Variants in FBXO36 observed in about 807,000 individuals in gnomAD.
FBXO36 encodes F-box only protein 36.
Under a neutral mutation model 17.0 loss-of-function variants are expected in FBXO36, and 18 were observed. That is an observed-to-expected ratio of 1.06 (90% CI 0.73 to 1.57). The LOEUF (loss-of-function observed/expected upper bound fraction) is 1.57, where lower values mean the gene tolerates loss of function less well. FBXO36 is among the 40% of genes most tolerant of loss of function. FBXO36 has a pLI of 0.00. For missense variants in FBXO36, 229 were observed against 221.9 expected (o/e 1.03, Z -0.20); for synonymous variants, 83 against 85.3 (o/e 0.97, Z 0.15).
intron 3 of FBXO36, among the ~76,000 whole-genome samples, chr2:230,005,321 C>T (rs2077381446): frequency 6.6e-6 from 1 of 152,042 alleles, no homozygotes; most frequent in South Asian, 2.1e-4. Flanking sequence ...TAGCTGGTCT[C>T]GAATCTTGGG....
At chr2:229,998,766 G>C (rs552677723) in intron 3 of FBXO36, among the ~76,000 whole-genome samples, 1 of 151,710 alleles carries the variant, frequency 6.6e-6, no homozygotes, top group East Asian at 1.9e-4. Context: ...CCCCAGCCTG[G>C]ACAACAGAAC....
At chr2:229,970,871 AT>A (rs2077176695) in intron 1 of FBXO36, among the ~76,000 whole-genome samples, 2 of 152,252 alleles carry the variant, frequency 1.3e-5, no homozygotes, top group African/African-American at 4.8e-5. Flanking sequence ...ATGTTCTAAA[AT>A]ACATGCCTAA....
At chr2:230,009,702 T>C (rs548439185) in intron 3 of FBXO36, among the ~76,000 whole-genome samples, 20 of 151,978 alleles carry the variant, frequency 1.3e-4, no homozygotes, top group African/African-American at 4.8e-4. Flanking sequence ...CCCAGCACTC[T>C]GGGAGGCTGA....
intron 1 of FBXO36, among the ~76,000 whole-genome samples, chr2:229,935,463 A>C (rs1318917559): frequency 6.6e-6 from 1 of 152,202 alleles, no homozygotes; most frequent in African/African-American, 2.4e-5. Context: ...CAGCGAGCCA[A>C]GATCGCACCA....
At chr2:229,970,274 C>G (rs2077174177) in intron 1 of FBXO36, among the ~76,000 whole-genome samples, 1 of 152,112 alleles carries the variant, frequency 6.6e-6, no homozygotes. Flanking sequence ...AATATCAACA[C>G]TTTGGAAGGC....
chr2:229,974,078 A>G (rs2077195364), intron 1 of FBXO36, among the ~76,000 whole-genome samples: 1 of 152,130 alleles, frequency 6.6e-6, no homozygotes, highest in African/African-American at 2.4e-5. Context: ...GAAAATAGCT[A>G]TTAATTCTGT....
chr2:229,935,273 A>C (rs576336185), intron 1 of FBXO36, among the ~76,000 whole-genome samples: 1 of 152,222 alleles, frequency 6.6e-6, no homozygotes, highest in Non-Finnish European at 1.5e-5. Context: ...CCTGAAAATC[A>C]TAAGAGTCTC....
chr2:229,984,479 C>G (rs2077257641), intron 2 of FBXO36, among the ~76,000 whole-genome samples: 1 of 149,868 alleles, frequency 6.7e-6, no homozygotes, highest in Non-Finnish European at 1.5e-5. Context: ...CAACGCCGCT[C>G]CCGGGTTCAC....
intron 1 of FBXO36, among the ~76,000 whole-genome samples, chr2:229,965,033 G>A (rs1418880159): frequency 6.6e-6 from 1 of 151,538 alleles, no homozygotes; most frequent in East Asian, 1.9e-4. Flanking sequence ...TTCTTTGATT[G>A]TTTCTGGATT....
intron 1 of FBXO36, among the ~76,000 whole-genome samples, chr2:229,927,036 T>C (rs1023298526): frequency 1.3e-5 from 2 of 151,896 alleles, no homozygotes; most frequent in African/African-American, 2.4e-5. Context: ...ATTTTTGTAT[T>C]TTTAGTAGGG....
At chr2:229,954,234 A>ATTTTTTGTTTTTTTTTTTTTT (rs2077072402) in intron 1 of FBXO36, among the ~76,000 whole-genome samples, 1 of 71,380 alleles carries the variant, frequency 1.4e-5, no homozygotes, top group Non-Finnish European at 2.6e-5. Flanking sequence ...AACCCTTTGG[A>ATTTTTTGTTTTTTTTTTTTTT]TTTTTTTTTT....
chr2:229,922,591 A>G lies in FBXO36; in HGVS notation c.78A>G (p.Leu26=), dbSNP rs1305044394. The change falls in exon 1 of 4, where the codon TTA becomes TTG. Residue 26 remains leucine, a synonymous_variant. Coordinates refer to ENST00000283946, the MANE Select transcript of FBXO36 (RefSeq NM_174899.5). Reference sequence around the variant, plus strand: ...CGCCTAGCAAAGACTATTACCAGTTACTGGTCACCCGGTCTCAGGCAAGTG... The same window carrying G: ...CGCCTAGCAAAGACTATTACCAGTTGCTGGTCACCCGGTCTCAGGCAAGTG... ...GPPPSKDYYQ[L]LVTRSQVIFR... is the part of the protein sequence containing the mutation. The G allele has an allele frequency of 1.2e-6, 2 of 1,614,004 alleles. No homozygotes were observed. The highest frequency in any genetic ancestry group is 1.7e-6 in the Non-Finnish European group (2 of 1,179,986).
chr2:230,000,591 G>A (rs2077353344), intron 3 of FBXO36, among the ~76,000 whole-genome samples: 1 of 151,886 alleles, frequency 6.6e-6, no homozygotes, highest in Non-Finnish European at 1.5e-5. Flanking sequence ...AGTGGCTTCT[G>A]GTAGTTATTT....
rs558504304 is a variant in FBXO36 at position 229,953,210 on chromosome 2, G to A, written c.97-23031G>A. On this transcript the variant is annotated intron_variant, in intron 1 of 3. Transcript: ENST00000283946. ...AAAAATTAGCTGGACGTGGTGGTAG[G>A]CGCCTGTAATCCCAGCTACTTGGAA... Among the ~76,000 whole-genome samples, 11 of 152,088 alleles carry A rather than the reference G, an allele frequency of 7.2e-5. No individual in the cohort carries two copies. The East Asian group carries it at 2.1e-3, about 29-fold the overall frequency.
At chr2:229,951,658 C>T (rs901187600) in intron 1 of FBXO36, among the ~76,000 whole-genome samples, 1 of 152,190 alleles carries the variant, frequency 6.6e-6, no homozygotes. Flanking sequence ...GATCTATCTT[C>T]TCCCTTAAAG....
At chr2:229,923,987 G>A (rs1223388173) in intron 1 of FBXO36, among the ~76,000 whole-genome samples, 2 of 149,724 alleles carry the variant, frequency 1.3e-5, no homozygotes, top group African/African-American at 4.9e-5. Flanking sequence ...CTCGTGATCC[G>A]CCTGCCTCGG....
intron 1 of FBXO36, among the ~76,000 whole-genome samples, chr2:229,942,500 C>T (rs1402121722): frequency 6.6e-6 from 1 of 152,118 alleles, no homozygotes; most frequent in African/African-American, 2.4e-5. Context: ...TGGAGATCAC[C>T]ATGATTAGAA....
intron 2 of FBXO36, among the ~76,000 whole-genome samples, chr2:229,982,823 G>A (rs1378954096): frequency 2.0e-5 from 3 of 149,238 alleles, no homozygotes; most frequent in Non-Finnish European, 4.4e-5. Flanking sequence ...AATCACATCT[G>A]CACAGTTACT....
At chr2:229,961,014 A>G (rs1236388800) in intron 1 of FBXO36, among the ~76,000 whole-genome samples, 1 of 152,046 alleles carries the variant, frequency 6.6e-6, no homozygotes, top group Non-Finnish European at 1.5e-5. Context: ...AGGCTGAGAC[A>G]GGATAATTGC....
Sources: allele counts gnomAD v4.1 joint callset (sites outside exome capture counted in the v4.1 genomes callset), GRCh38; gene constraint gnomAD v4.1.1; transcripts MANE v1.5; gene names NCBI Gene and HGNC (gene_info 2026-07-23, HGNC 2026-07-21).